The following ARIH1 variants were observed in gnomAD, a reference collection of about 807,000 sequenced individuals.
The protein encoded by ARIH1 is ariadne RBR E3 ubiquitin protein ligase 1.
ARIH1 carries 8 observed loss-of-function variants against 85.0 expected under a neutral mutation model. That is an observed-to-expected ratio of 0.09 (90% CI 0.06 to 0.17). The LOEUF is 0.17. Among genes scored for constraint, ARIH1 ranks in the 10% least tolerant of loss-of-function variants. ARIH1 has a pLI of 1.00. For missense variants in ARIH1, 311 were observed against 718.1 expected, an observed-to-expected ratio of 0.43 and a Z score of 6.48; for synonymous variants, 238 against 253.6, an observed-to-expected ratio of 0.94 and a Z score of 0.59.
rs1303370823 is a variant in ARIH1 at position 72,592,230 on chromosome 15, T to A, written c.*8938T>A. 2.0e-5 allele frequency: 3 copies of A among 152,240 alleles called. No homozygotes were observed. The highest frequency in any genetic ancestry group is 4.4e-5 in the Non-Finnish European group (3 of 68,034). 9.4% of individuals were successfully genotyped at this position (152,240 alleles called of 1,614,324 possible). On this transcript the variant is annotated 3_prime_UTR_variant, in exon 14 of 14. Transcript: ENST00000379887. ...ATGACTGTTGTTTCCACAAAATTGC[T>A]TTACAGATTCTAAATGCTATCTCTG...
chr15:72,481,302 T>G (rs2063815759), intron 1 of ARIH1, among the ~76,000 whole-genome samples: 1 of 152,222 alleles, frequency 6.6e-6, no homozygotes, highest in African/African-American at 2.4e-5. Context: ...CAAGCTAAAG[T>G]TTGAGAACTG....
chr15:72,597,724 A>G lies in ARIH1; in HGVS notation c.*14432A>G, dbSNP rs929502083. 3 of 152,186 alleles carry G rather than the reference A, an allele frequency of 2.0e-5. No homozygotes were observed. Among genetic ancestry groups the G allele is most frequent in the Middle Eastern group, 3.2e-3 (1 of 316 alleles). The allele number at this position is 152,186 out of a possible 1,614,324, so 9.4% of individuals were successfully genotyped here. ...TGTACCTGGTTATCATCTAAGGGGT[A>G]AGATTGGTGGGAAGCCTTCCTCTGT... On this transcript the variant is annotated 3_prime_UTR_variant, in exon 14 of 14. Coordinates refer to ENST00000379887, the MANE Select transcript of ARIH1 (RefSeq NM_005744.5).
At chr15:72,574,161 G>A (rs1483913749) in intron 11 of ARIH1, among the ~76,000 whole-genome samples, 1 of 152,114 alleles carries the variant, frequency 6.6e-6, no homozygotes, top group Non-Finnish European at 1.5e-5. Flanking sequence ...ATCCCTTTCT[G>A]AGATCTATAG....
chr15:72,578,597 G>A (rs1357992642), intron 11 of ARIH1, among the ~76,000 whole-genome samples: 1 of 151,090 alleles, frequency 6.6e-6, no homozygotes, highest in Non-Finnish European at 1.5e-5. Context: ...TCTTAATTTT[G>A]GTTTGTCCGC....
At chr15:72,506,035 A>G (rs1344038307) in intron 1 of ARIH1, among the ~76,000 whole-genome samples, 3 of 150,744 alleles carry the variant, frequency 2.0e-5, no homozygotes, top group African/African-American at 7.3e-5. Context: ...TGCCCAGCCA[A>G]TAGTATCAGC....
intron 1 of ARIH1, among the ~76,000 whole-genome samples, chr15:72,503,289 C>G (rs1414276395): frequency 6.6e-6 from 1 of 152,190 alleles, no homozygotes; most frequent in Non-Finnish European, 1.5e-5. Context: ...TATTTATTCT[C>G]CAGCATCTTG....
rs1042890033 is a variant in ARIH1, at chr15:72,602,905, C to T, written c.*19613C>T. ...GGATACTGTTTTCTGTACCTCACTACGGATGTATTTTGCTGCTTGGCTCCC... is the reference window on the plus strand; with the variant it reads ...GGATACTGTTTTCTGTACCTCACTATGGATGTATTTTGCTGCTTGGCTCCC... On this transcript the variant is annotated 3_prime_UTR_variant, in exon 14 of 14. Transcript: ENST00000379887. The T allele has an allele frequency of 5.9e-5, 9 of 152,154 alleles. No homozygotes were observed. The highest frequency in any genetic ancestry group is 3.9e-4 in the East Asian group (2 of 5,188). The allele number at this position is 152,154 out of a possible 1,614,324, so 9.4% of individuals were successfully genotyped here.
intron 2 of ARIH1, among the ~76,000 whole-genome samples, chr15:72,533,138 C>CT (rs1490813444): frequency 2.6e-5 from 4 of 151,898 alleles, no homozygotes; most frequent in Non-Finnish European, 2.9e-5. Context: ...TGGGGGTTTT[C>CT]TTTTTTTTGA....
chr15:72,476,451 G>A (rs552032299), intron 1 of ARIH1, among the ~76,000 whole-genome samples: 1 of 152,172 alleles, frequency 6.6e-6, no homozygotes, highest in Admixed American at 6.5e-5. Flanking sequence ...TGCAACCTCC[G>A]CCTGCCGGGT....
chr15:72,479,341 G>C (rs560951548), intron 1 of ARIH1, among the ~76,000 whole-genome samples: 1 of 152,056 alleles, frequency 6.6e-6, no homozygotes, highest in African/African-American at 2.4e-5. Flanking sequence ...TTGAATGTGA[G>C]TGGTCAGAGG....
chr15:72,494,493 A>G (rs73444723), intron 1 of ARIH1, among the ~76,000 whole-genome samples: 5,867 of 152,222 alleles, frequency 0.039, 342 homozygotes, highest in African/African-American at 0.13. Context: ...GGAATTGAAT[A>G]TTGCTGAAAT....
chr15:72,521,391 T>C (rs372922452), intron 2 of ARIH1, among the ~76,000 whole-genome samples: 67 of 152,126 alleles, frequency 4.4e-4, no homozygotes, highest in Non-Finnish European at 8.4e-4. Flanking sequence ...TTTGAAAACA[T>C]AAACTGTTGG....
At chr15:72,510,076 C>T (rs2063943201) in intron 1 of ARIH1, among the ~76,000 whole-genome samples, 1 of 152,166 alleles carries the variant, frequency 6.6e-6, no homozygotes, top group Non-Finnish European at 1.5e-5. Context: ...CCCACCTCTT[C>T]TGGCCTGAGC....
chr15:72,496,880 G>C, intron 1 of ARIH1: 1 of 985,090 alleles, frequency 1.0e-6, no homozygotes, highest in Non-Finnish European at 1.2e-6. Flanking sequence ...TCATTCCAAA[G>C]ACAAGTCATT....
chr15:72,537,671 A>G (rs1232775139), intron 2 of ARIH1, among the ~76,000 whole-genome samples: 3 of 152,182 alleles, frequency 2.0e-5, no homozygotes, highest in African/African-American at 7.2e-5. Flanking sequence ...CTAAAAGTAG[A>G]AAAAAATTAC....
intron 9 of ARIH1, among the ~76,000 whole-genome samples, chr15:72,568,419 T>G: frequency 6.6e-6 from 1 of 152,214 alleles, no homozygotes; most frequent in East Asian, 1.9e-4. Flanking sequence ...GTAGCCTTTT[T>G]TCTACATCTA....
At chr15:72,483,261 A>G (rs904868391) in intron 1 of ARIH1, among the ~76,000 whole-genome samples, 1 of 152,216 alleles carries the variant, frequency 6.6e-6, no homozygotes, top group African/African-American at 2.4e-5. Context: ...GTTGTTGCCC[A>G]GAGATATCAG....
chr15:72,531,471 T>C, intron 2 of ARIH1, among the ~76,000 whole-genome samples: 1 of 152,132 alleles, frequency 6.6e-6, no homozygotes, highest in East Asian at 1.9e-4. Flanking sequence ...TTTCGCCACG[T>C]TGGCCAGGCT....
intron 1 of ARIH1, among the ~76,000 whole-genome samples, chr15:72,480,107 G>T (rs1219269930): frequency 6.6e-6 from 1 of 151,818 alleles, no homozygotes; most frequent in Non-Finnish European, 1.5e-5. Context: ...CTGACCTCGT[G>T]ATCCGCCCAC....
Sources: allele counts gnomAD v4.1 joint callset (sites outside exome capture counted in the v4.1 genomes callset), GRCh38; gene constraint gnomAD v4.1.1; transcripts MANE v1.5; gene names NCBI Gene and HGNC (gene_info 2026-07-23, HGNC 2026-07-21).